Variants in SLC25A10 observed in about 807,000 individuals in gnomAD.
SLC25A10 encodes solute carrier family 25 member 10, also known as mitochondrial dicarboxylate carrier.
A neutral mutation model predicts 40.4 loss-of-function variants in SLC25A10; 32 were observed. The ratio of observed to expected loss-of-function variants is 0.79; its 90% CI spans 0.60 to 1.06. The LOEUF (loss-of-function observed/expected upper bound fraction) is 1.06, where lower values mean the gene tolerates loss of function less well. Among genes scored for constraint, SLC25A10 ranks in the 50% least tolerant of loss-of-function variants. The pLI, the probability that SLC25A10 is intolerant of heterozygous loss-of-function variation, is 0.00. For synonymous variants in SLC25A10, 181 were observed against 171.1 expected, an observed-to-expected ratio of 1.06 and a Z score of -0.45; for missense variants, 394 against 402.6, an observed-to-expected ratio of 0.98 and a Z score of 0.18.
In SLC25A10 at chr17:81,719,970, CT is replaced by C. The variant is rs1485641142; in HGVS notation, c.763-5del. ...TGTGTCTCTCATTTTCCCTGTCTCC[CT>C]CCAGGGCCTCGTCCCAGCTGGCATC... On this transcript the variant is annotated splice_region_variant and splice_polypyrimidine_tract_variant and intron_variant, in intron 10 of 10. Coordinates refer to ENST00000350690, the MANE Select transcript of SLC25A10 (RefSeq NM_012140.5). 3.1e-6 allele frequency: 5 copies of C among 1,613,714 alleles called. No homozygotes were observed. Among genetic ancestry groups the C allele is most frequent in the Non-Finnish European group, 4.2e-6 (5 of 1,180,048 alleles).
In SLC25A10 at chr17:81,712,349, G is replaced by C. The variant is rs961027860; in HGVS notation, c.-78G>C. On this transcript the variant is annotated 5_prime_UTR_variant, in exon 1 of 11. Coordinates refer to ENST00000350690, the MANE Select transcript of SLC25A10 (RefSeq NM_012140.5). The stretch of plus-strand genomic sequence containing the variant: ...GAACCGGGCGCGGGGCGCGGGGCGC[G>C]GGGCGCTGCGGCCGGTACACGCCGG... The C allele has an allele frequency of 6.2e-6, 6 of 970,828 alleles. No homozygotes were observed. Among genetic ancestry groups the C allele is most frequent in the African/African-American group, 1.7e-5 (1 of 57,582 alleles). 60.1% of individuals were successfully genotyped at this position (970,828 alleles called of 1,614,324 possible). A position where few individuals can be genotyped will look rare whatever the true frequency, so the allele number is the denominator to read the frequency against.
At position 81,717,878 on chromosome 17, in the gene SLC25A10, C is replaced by T. The variant is rs778552562; in HGVS notation, c.705+17C>T. Reference sequence around the variant, plus strand: ...GAGTATCAGGTGAGTGGGGCCCTGCCTGTGCAGTTGGGCTGCACAGCCCAG... The same window carrying T: ...GAGTATCAGGTGAGTGGGGCCCTGCTTGTGCAGTTGGGCTGCACAGCCCAG... On this transcript the variant is annotated intron_variant, in intron 9 of 10. Coordinates refer to ENST00000350690, the MANE Select transcript of SLC25A10 (RefSeq NM_012140.5). 6.3e-7 allele frequency: 1 copy of T among 1,591,844 alleles called. No individual in the cohort carries two copies. The highest frequency in any genetic ancestry group is 2.3e-5 in the East Asian group (1 of 44,040).
At chr17:81,716,693 A>G (rs777487818) in intron 5 of SLC25A10, 119 bp from the exon 6 acceptor site, 2 of 965,538 alleles carry the variant, frequency 2.1e-6, no homozygotes, top group South Asian at 3.0e-5. Flanking sequence ...AGAGATCTTC[A>G]GGCCCATGAG....
At position 81,717,482 on chromosome 17, in the gene SLC25A10, C is replaced by T. The variant is rs751516411; in HGVS notation, c.618C>T (p.Ser206=). The T allele has an allele frequency of 3.1e-6, 5 of 1,613,490 alleles. No individual in the cohort carries two copies. Among genetic ancestry groups the T allele is most frequent in the East Asian group, 4.5e-5 (2 of 44,892 alleles). The part of the protein sequence containing the change: ...SDNIFTHFVA[S]FIAGGCATFL... ...ACATCTTCACTCACTTTGTCGCCAG[C>T]TTTATTGCAGTAAGTGGCCGGCATG... Residue 206 remains serine (S), a synonymous_variant, in exon 8 of 11, where the codon AGC becomes AGT. Transcript: ENST00000350690.
chr17:81,713,290 C>G (rs1235452877), intron 1 of SLC25A10: 1 of 189,330 alleles, frequency 5.3e-6, no homozygotes, highest in Non-Finnish European at 9.8e-6. Context: ...GTTTTCTGAC[C>G]GTGTCTTGCC....
At chr17:81,716,078 G>T in intron 5 of SLC25A10, 28 bp downstream of exon 5, 1 of 1,583,884 alleles carries the variant, frequency 6.3e-7, no homozygotes. Flanking sequence ...TTCTCGGGGT[G>T]GTTGAGGTGC....
intron 1 of SLC25A10, chr17:81,713,625 G>T: frequency 3.0e-6 from 1 of 332,776 alleles, no homozygotes; most frequent in Non-Finnish European, 4.3e-6. Context: ...CGACAGGAAG[G>T]CGCTGGCATG....
At position 81,715,438 on chromosome 17, in the gene SLC25A10, G is replaced by A. The variant is rs890605028; in HGVS notation, c.214-40G>A. ...CCGGGTGGCGAGGCTGAGGGGTGTGGGGCGTGCCCGTCCCTCCAAGCCAGG... is the reference window on the plus strand; with the variant it reads ...CCGGGTGGCGAGGCTGAGGGGTGTGAGGCGTGCCCGTCCCTCCAAGCCAGG... On this transcript the variant is annotated intron_variant, in intron 2 of 10. Coordinates refer to ENST00000350690, the MANE Select transcript of SLC25A10 (RefSeq NM_012140.5). The A allele has an allele frequency of 1.9e-6, 3 of 1,548,840 alleles. No homozygotes were observed. The Admixed American group carries it at 5.0e-5, about 26-fold the overall frequency.
Position 81,716,035 on chromosome 17 carries a change from A to T in SLC25A10, c.404A>T (p.Gln135Leu). ...ATGCAGAACGACGTGAAGCTGCCCC[A>T]GGGTCAGCGGCGCAAGTGAGTCATG... is the stretch of plus-strand genomic sequence containing the variant. ...VRMQNDVKLP[Q>L]GQRRNYAHAL... Residue 135 changes from glutamine to leucine, a missense_variant, in exon 5 of 11, where the codon CAG becomes CTG. Coordinates refer to ENST00000350690, the MANE Select transcript of SLC25A10 (RefSeq NM_012140.5). 1 of 1,597,696 alleles carries T rather than the reference A, an allele frequency of 6.3e-7. No homozygotes were observed. The highest frequency in any genetic ancestry group is 8.5e-7 in the Non-Finnish European group (1 of 1,172,534).
At chr17:81,719,697 A>G (rs1272929322) in intron 9 of SLC25A10, 134 bp from the exon 10 acceptor site, 1 of 776,858 alleles carries the variant, frequency 1.3e-6, no homozygotes, top group East Asian at 2.4e-5. Context: ...GCCGCCGCTC[A>G]CACCCACACC....
intron 5 of SLC25A10, chr17:81,716,582 G>A (rs775950068): frequency 3.7e-5 from 22 of 593,590 alleles, no homozygotes; most frequent in Non-Finnish European, 5.7e-5. Context: ...GCGGTGCCCA[G>A]CCAGGGACTC....
At chr17:81,715,787 C>A in intron 4 of SLC25A10, 46 bp downstream of exon 4, 1 of 1,609,004 alleles carries the variant, frequency 6.2e-7, no homozygotes, top group Non-Finnish European at 8.5e-7. Flanking sequence ...GCTTTCTTGT[C>A]CCCAGACATG....
chr17:81,714,875 C>T (rs1463539660), intron 1 of SLC25A10, 78 bp from the exon 2 acceptor site: 2 of 1,567,360 alleles, frequency 1.3e-6, no homozygotes, highest in African/African-American at 1.3e-5. Context: ...CCTCCTGCCT[C>T]AGTTTCCCCC....
At chr17:81,714,020 G>A (rs549892266) in intron 1 of SLC25A10, among the ~76,000 whole-genome samples, 119 of 152,328 alleles carry the variant, frequency 7.8e-4, no homozygotes, top group Middle Eastern at 3.4e-3. Flanking sequence ...AGTCCCTACC[G>A]TCGCATCTGG....
In SLC25A10 at chr17:81,718,802, A is replaced by G. The variant is rs572219237; in HGVS notation, c.705+941A>G. ...TCTCTACTAAAAATGCAAAAAAATTAGCTGGGCCTGGTGGCGCACGCCTGT... is the reference window on the plus strand; with the variant it reads ...TCTCTACTAAAAATGCAAAAAAATTGGCTGGGCCTGGTGGCGCACGCCTGT... On this transcript the variant is annotated intron_variant, in intron 9 of 10. Coordinates refer to ENST00000350690, the MANE Select transcript of SLC25A10 (RefSeq NM_012140.5). Among the ~76,000 whole-genome samples, 13 of 137,538 alleles carry G rather than the reference A, an allele frequency of 9.5e-5. No individual in the cohort carries two copies. The South Asian group carries it at 2.4e-3, about 25-fold the overall frequency. 90.2% of individuals were successfully genotyped at this position (137,538 alleles called of 152,430 possible).
chr17:81,719,361 C>T (rs748714956), intron 9 of SLC25A10, among the ~76,000 whole-genome samples: 4 of 152,174 alleles, frequency 2.6e-5, no homozygotes, highest in South Asian at 2.1e-4. Flanking sequence ...GTCACTGTGC[C>T]CGGCCAAAAA....
rs753860898 is a variant in SLC25A10, at chr17:81,716,019, G to A, written c.388G>A (p.Asp130Asn). The change falls in exon 5 of 11, where the codon GAC becomes AAC. Residue 130 changes from aspartate (D) to asparagine (N), a missense_variant. Physicochemically the swap from Asp to Asn is conservative, Grantham distance 23. Transcript: ENST00000350690. ...ADLVNVRMQN[D>N]VKLPQGQRRN... ...CTGCTTCTGTTTCAGGATGCAGAAC[G>A]ACGTGAAGCTGCCCCAGGGTCAGCG... The A allele has an allele frequency of 2.3e-5, 36 of 1,592,406 alleles. No individual in the cohort carries two copies. Among genetic ancestry groups the A allele is most frequent in the Non-Finnish European group, 2.9e-5 (34 of 1,169,750 alleles).
Position 81,720,730 on chromosome 17 carries a change from G to A in SLC25A10, c.*653G>A, listed in dbSNP as rs2037575808. 2.6e-6 allele frequency: 1 copy of A among 390,198 alleles called. No individual in the cohort carries two copies. The highest frequency in any genetic ancestry group is 4.5e-6 in the Non-Finnish European group (1 of 222,018). 24.2% of individuals were successfully genotyped at this position (390,198 alleles called of 1,614,324 possible). A position where few individuals can be genotyped will look rare whatever the true frequency, so the allele number is the denominator to read the frequency against. On this transcript the variant is annotated 3_prime_UTR_variant, in exon 11 of 11. Coordinates refer to ENST00000350690, the MANE Select transcript of SLC25A10 (RefSeq NM_012140.5). ...CGCGCACCGCTGCCTGCCCTGCAGT[G>A]GCTTTAACAGTTAGTTTTGCCAAAG... is the stretch of plus-strand genomic sequence containing the variant.
At position 81,714,004 on chromosome 17, in the gene SLC25A10, C is replaced by T. The variant is rs564027712; in HGVS notation, c.94-949C>T. 2.0e-3 allele frequency among the ~76,000 whole-genome samples: 298 copies of T among 152,346 alleles called. 2 individuals are homozygous for T. Among genetic ancestry groups the T allele is most frequent in the African/African-American group, 6.9e-3 (287 of 41,578 alleles). ...GCTTCTTGAGCACTTTGTCCCATGT[C>T]CCTACAGTCCCTACCGTCGCATCTG... On this transcript the variant is annotated intron_variant, in intron 1 of 10. Transcript: ENST00000350690.
Sources: gnomAD v4.1 joint callset for allele counts (sites outside exome capture counted in the v4.1 genomes callset) on GRCh38, gnomAD v4.1.1 for gene constraint, MANE v1.5 for transcripts, NCBI Gene and HGNC (gene_info 2026-07-23, HGNC 2026-07-21) for gene names.